The following LCA5 variants were observed in gnomAD, a reference collection of about 807,000 sequenced individuals.
LCA5 encodes the protein lebercilin.
In LCA5, 37 loss-of-function variants were observed where a neutral mutation model predicts 53.0. The ratio of observed to expected loss-of-function variants is 0.70; its 90% CI spans 0.54 to 0.92. LCA5 has a LOEUF of 0.92. Ranked by LOEUF, LCA5 falls within the 40% of genes least tolerant of loss-of-function variation. The pLI, the probability that LCA5 is intolerant of heterozygous loss-of-function variation, is 0.00. For synonymous variants in LCA5, 303 were observed against 282.9 expected (o/e 1.07, Z -0.71); for missense variants, 806 against 790.5 (o/e 1.02, Z -0.23).
intron 7 of LCA5, chr6:79,488,114 G>T: frequency 2.2e-6 from 1 of 452,868 alleles, no homozygotes; most frequent in Non-Finnish European, 3.9e-6. Context: ...GGGGAAGAAA[G>T]GTTCTTTGCC....
intron 3 of LCA5, among the ~76,000 whole-genome samples, chr6:79,506,081 T>C (rs190434369): frequency 2.6e-4 from 40 of 152,250 alleles, no homozygotes; most frequent in Non-Finnish European, 5.1e-4. Context: ...TCTCTTATAG[T>C]AAAATCTACT....
chr6:79,515,652 A>G lies in LCA5; in HGVS notation c.191-1911T>C, dbSNP rs556621930. 1.3e-3 allele frequency among the ~76,000 whole-genome samples: 198 copies of G among 152,216 alleles called. 1 individual carries two copies. In the Middle Eastern group the frequency reaches 0.017, roughly 13 times the overall value. On this transcript the variant is annotated intron_variant, in intron 2 of 7. Coordinates refer to ENST00000369846, the MANE Select transcript of LCA5 (RefSeq NM_001122769.3). ...AATGCATTCCAGAGTAAAAAAATGAAGAAACACTAGAAGATCCAACCTTTC... is the reference window on the plus strand; with the variant it reads ...AATGCATTCCAGAGTAAAAAAATGAGGAAACACTAGAAGATCCAACCTTTC...
At chr6:79,521,071 G>T (rs1766610547) in intron 1 of LCA5, among the ~76,000 whole-genome samples, 2 of 152,146 alleles carry the variant, frequency 1.3e-5, no homozygotes, top group Admixed American at 1.3e-4. Flanking sequence ...TGGTGTAACT[G>T]AAGAACTAAT....
intron 3 of LCA5, among the ~76,000 whole-genome samples, chr6:79,512,663 A>G (rs527981561): frequency 3.2e-4 from 48 of 152,184 alleles, no homozygotes; most frequent in Middle Eastern, 3.4e-3. Context: ...CTGTGTAAAA[A>G]TCATGGGATA....
At chr6:79,519,241 A>G (rs1375090719) in intron 1 of LCA5, among the ~76,000 whole-genome samples, 156 bp from the exon 2 acceptor site, 1 of 152,246 alleles carries the variant, frequency 6.6e-6, no homozygotes, top group Admixed American at 6.5e-5. Context: ...AGTTACTTAC[A>G]GTATTTGGAG....
chr6:79,492,504 A>T, intron 5 of LCA5, 47 bp downstream of exon 5: 1 of 893,558 alleles, frequency 1.1e-6, no homozygotes, highest in Non-Finnish European at 1.8e-6. Flanking sequence ...TACTATCACT[A>T]AATAATAGCA....
intron 1 of LCA5, among the ~76,000 whole-genome samples, chr6:79,526,562 AAAC>A (rs1285861389): frequency 2.0e-5 from 3 of 152,104 alleles, no homozygotes; most frequent in African/African-American, 7.2e-5. Flanking sequence ...AAACAAAACA[AAAC>A]AACAAATTTT....
At chr6:79,489,559 G>A (rs1332763997) in intron 6 of LCA5, among the ~76,000 whole-genome samples, 1 of 152,100 alleles carries the variant, frequency 6.6e-6, no homozygotes, top group Non-Finnish European at 1.5e-5. Flanking sequence ...CAGTTAAGCA[G>A]AAATGACTAT....
At chr6:79,538,017 A>G (rs1767206291), upstream of LCA5, among the ~76,000 whole-genome samples, 1 of 50,006 alleles carries the variant, frequency 2.0e-5, no homozygotes, top group Non-Finnish European at 3.9e-5. Flanking sequence ...TTTGCACACA[A>G]GTTTTTTTTT....
intron 1 of LCA5, among the ~76,000 whole-genome samples, chr6:79,527,722 C>T (rs1487196574): frequency 6.6e-6 from 1 of 152,184 alleles, no homozygotes; most frequent in East Asian, 1.9e-4. Flanking sequence ...AAAATGCAAT[C>T]CTATACTCAT....
At position 79,491,674 on chromosome 6, in the gene LCA5, C is replaced by A; in HGVS notation, c.1012G>T (p.Asp338Tyr). ...AAAGGATATTCTTCTGGCTTGAAGT[C>A]TTCCATGGTTTGTACTCCTTTTGTA... ...LCTKGVQTME[D>Y]FKPEEYPLTP... is the part of the protein sequence containing the mutation. Residue 338 changes from aspartate to tyrosine, a missense_variant, in exon 6 of 8, where the codon GAC (aspartate) becomes TAC (tyrosine). Asp to Tyr is a radical substitution (Grantham distance 160, BLOSUM62 -3). Transcript: ENST00000369846. 6.2e-7 allele frequency: 1 copy of A among 1,613,136 alleles called. No individual in the cohort carries two copies. Among genetic ancestry groups the A allele is most frequent in the Non-Finnish European group, 8.5e-7 (1 of 1,179,288 alleles).
intron 2 of LCA5, among the ~76,000 whole-genome samples, chr6:79,515,947 A>G (rs1354856402): frequency 6.6e-6 from 1 of 152,064 alleles, no homozygotes; most frequent in African/African-American, 2.4e-5. Flanking sequence ...TGCCACATAC[A>G]GCTATTGAGA....
At chr6:79,500,987 T>C (rs1481624387) in intron 3 of LCA5, among the ~76,000 whole-genome samples, 1 of 152,180 alleles carries the variant, frequency 6.6e-6, no homozygotes, top group African/African-American at 2.4e-5. Context: ...ATTAGAGTTA[T>C]TATTACCTCT....
At chr6:79,530,545 A>T (rs1048141802) in intron 1 of LCA5, among the ~76,000 whole-genome samples, 13 of 152,264 alleles carry the variant, frequency 8.5e-5, no homozygotes, top group Non-Finnish European at 2.9e-5. Context: ...AAAACAATAT[A>T]TTCTTTTCTT....
intron 6 of LCA5, among the ~76,000 whole-genome samples, chr6:79,491,225 T>C (rs764599679): frequency 1.7e-4 from 26 of 152,114 alleles, no homozygotes; most frequent in Non-Finnish European, 3.5e-4. Flanking sequence ...TCCATCATTC[T>C]GAAGCACCTG....
At chr6:79,523,106 ATTTG>A (rs993142823) in intron 1 of LCA5, among the ~76,000 whole-genome samples, 2 of 152,130 alleles carry the variant, frequency 1.3e-5, no homozygotes, top group Admixed American at 1.3e-4. Context: ...CCAATTCTGT[ATTTG>A]TTTGATATTT....
At position 79,513,681 on chromosome 6, in the gene LCA5, C is replaced by T. The variant is rs572580888; in HGVS notation, c.251G>A (p.Arg84His). Residue 84 changes from arginine (R) to histidine (H), a missense_variant, in exon 3 of 8, where the codon CGC becomes CAC. Coordinates refer to ENST00000369846, the MANE Select transcript of LCA5 (RefSeq NM_001122769.3). The stretch of plus-strand genomic sequence containing the variant: ...TGGCTCTCTATTGAGGCTCTGGGAG[C>T]GAAATCCCACTCGGACTCCCTTTCT... ...PNRKGVRVGF[R>H]SQSLNREPLR... is the part of the protein sequence containing the mutation. The T allele has an allele frequency of 1.9e-5, 30 of 1,613,532 alleles. No homozygotes were observed. The highest frequency in any genetic ancestry group is 1.6e-4 in the African/African-American group (12 of 74,836).
intron 2 of LCA5, among the ~76,000 whole-genome samples, chr6:79,518,103 CAT>C (rs1274675822): frequency 1.3e-5 from 2 of 152,102 alleles, no homozygotes; most frequent in Non-Finnish European, 2.9e-5. Context: ...TAGAATATTA[CAT>C]AGTCAAATAT....
At chr6:79,496,198 G>A (rs1372156197) in intron 3 of LCA5, among the ~76,000 whole-genome samples, 2 of 152,216 alleles carry the variant, frequency 1.3e-5, no homozygotes, top group Non-Finnish European at 2.9e-5. Flanking sequence ...TGGCAAGGAT[G>A]AGTAGCAACC....
Sources: gnomAD v4.1 joint callset for allele counts (sites outside exome capture counted in the v4.1 genomes callset) on GRCh38, gnomAD v4.1.1 for gene constraint, MANE v1.5 for transcripts, NCBI Gene and HGNC (gene_info 2026-07-23, HGNC 2026-07-21) for gene names.